The following TMLHE variants were observed in gnomAD, a reference collection of about 807,000 sequenced individuals.
TMLHE encodes trimethyllysine hydroxylase, epsilon, also known as trimethyllysine dioxygenase, mitochondrial.
Under a neutral mutation model 25.7 loss-of-function variants are expected in TMLHE, and 18 were observed. The ratio of observed to expected loss-of-function variants is 0.70; its 90% CI spans 0.48 to 1.04. The LOEUF (loss-of-function observed/expected upper bound fraction) is 1.04. Among genes scored for constraint, TMLHE ranks in the 50% least tolerant of loss-of-function variants. The pLI is 0.00. For missense variants in TMLHE, 236 were observed against 259.0 expected, an observed-to-expected ratio of 0.91 and a Z score of 0.61; for synonymous variants, 105 against 97.0, an observed-to-expected ratio of 1.08 and a Z score of -0.49.
At chrX:155,609,062 C>T (rs1023100221) in intron 1 of TMLHE, among the ~76,000 whole-genome samples, 6 of 111,922 alleles carry the variant, frequency 5.4e-5, no homozygotes, top group African/African-American at 2.0e-4. Flanking sequence ...AAATATAAAT[C>T]GTTCTGCCAT....
At chrX:155,555,972 T>C (rs2067451423) in intron 1 of TMLHE, among the ~76,000 whole-genome samples, 1 of 110,555 alleles carries the variant, frequency 9.0e-6, no homozygotes, top group Admixed American at 9.6e-5. Context: ...TGGTATTGCC[T>C]AGGTTTTCTT....
At chrX:155,549,766 T>C (rs1557339759) in intron 1 of TMLHE, among the ~76,000 whole-genome samples, 1 of 110,068 alleles carries the variant, frequency 9.1e-6, no homozygotes, top group South Asian at 3.9e-4. Context: ...CTGGGATACA[T>C]GTGCAGAACG....
At chrX:155,601,955 T>C (rs782820745) in intron 1 of TMLHE, among the ~76,000 whole-genome samples, 8 of 111,270 alleles carry the variant, frequency 7.2e-5, no homozygotes, top group Non-Finnish European at 1.5e-4. Context: ...AAGGACATTT[T>C]ATAATGATGA....
At chrX:155,514,389 A>G in intron 3 of TMLHE, 124 bp from the exon 4 acceptor site, 3 of 700,467 alleles carry the variant, frequency 4.3e-6, no homozygotes, top group Non-Finnish European at 6.0e-6. Context: ...ATTGTTTATG[A>G]AACCAAATTA....
At chrX:155,514,883 T>G (rs1374939456) in intron 3 of TMLHE, among the ~76,000 whole-genome samples, 1 of 111,742 alleles carries the variant, frequency 8.9e-6, no homozygotes, top group Admixed American at 9.6e-5. Flanking sequence ...TGGCTTCACC[T>G]GCTGTGCACA....
At chrX:155,522,934 C>G (rs1244309974) in intron 3 of TMLHE, among the ~76,000 whole-genome samples, 2 of 110,032 alleles carry the variant, frequency 1.8e-5, no homozygotes, top group Non-Finnish European at 3.8e-5. Context: ...AATTACCAAA[C>G]TGTTTTCCAG....
intron 1 of TMLHE, among the ~76,000 whole-genome samples, chrX:155,601,230 C>G (rs781964548): frequency 9.0e-6 from 1 of 111,687 alleles, no homozygotes; most frequent in African/African-American, 3.3e-5. Context: ...GAAATGACAC[C>G]AGATGGTAAC....
intron 2 of TMLHE, among the ~76,000 whole-genome samples, chrX:155,528,747 T>C (rs782784101): frequency 9.0e-6 from 1 of 111,670 alleles, no homozygotes; most frequent in Non-Finnish European, 1.9e-5. Flanking sequence ...GGTACTGAGA[T>C]TGGTTCCATA....
chrX:155,582,645 T>C (rs2067637778), intron 1 of TMLHE, among the ~76,000 whole-genome samples: 1 of 112,005 alleles, frequency 8.9e-6, no homozygotes, highest in African/African-American at 3.2e-5. Flanking sequence ...CCAGTTAGAA[T>C]GGCGATCATT....
intron 4 of TMLHE, among the ~76,000 whole-genome samples, chrX:155,512,078 C>A (rs2067117125): frequency 9.0e-6 from 1 of 111,425 alleles, no homozygotes; most frequent in Admixed American, 9.5e-5. Flanking sequence ...GTTTTCATAG[C>A]CTTCATAAAT....
chrX:155,534,529 C>T (rs782196301), intron 2 of TMLHE, among the ~76,000 whole-genome samples: 1 of 111,665 alleles, frequency 9.0e-6, no homozygotes, highest in Non-Finnish European at 1.9e-5. Flanking sequence ...CCACCTGGCA[C>T]CCGGCCTTAT....
chrX:155,586,254 T>C (rs782343375), intron 1 of TMLHE, among the ~76,000 whole-genome samples: 1 of 107,516 alleles, frequency 9.3e-6, no homozygotes, highest in South Asian at 3.9e-4. Context: ...CCATGGTTAT[T>C]AAACAAAAAG....
intron 3 of TMLHE, among the ~76,000 whole-genome samples, chrX:155,521,866 C>T (rs988810495): frequency 3.5e-5 from 3 of 85,331 alleles, no homozygotes; most frequent in African/African-American, 1.3e-4. Context: ...GGCAATGCCT[C>T]GCCCTGCTTC....
intron 2 of TMLHE, 126 bp downstream of exon 2, chrX:155,544,970 A>C: frequency 1.5e-6 from 1 of 681,331 alleles, no homozygotes; most frequent in East Asian, 3.4e-5. Flanking sequence ...TGGTTAAGAT[A>C]GTAAATTTTG....
intron 2 of TMLHE, among the ~76,000 whole-genome samples, chrX:155,538,166 T>C (rs922163181): frequency 9.0e-5 from 10 of 111,590 alleles, no homozygotes; most frequent in Admixed American, 7.6e-4. Flanking sequence ...ACTACCATTA[T>C]ACTCACTTCT....
At chrX:155,524,341 GA>G in intron 3 of TMLHE, 114 bp downstream of exon 3, 1 of 668,453 alleles carries the variant, frequency 1.5e-6, no homozygotes, top group Non-Finnish European at 2.1e-6. Context: ...TCCAAAACAA[GA>G]AAAAAAGAAA....
chrX:155,605,266 T>C (rs1435078776), intron 1 of TMLHE, among the ~76,000 whole-genome samples: 1 of 111,698 alleles, frequency 9.0e-6, no homozygotes. Context: ...CATGAAAATT[T>C]CCCAAACATC....
intron 1 of TMLHE, among the ~76,000 whole-genome samples, chrX:155,593,073 A>G (rs2067701859): frequency 9.0e-6 from 1 of 111,552 alleles, no homozygotes; most frequent in South Asian, 3.9e-4. Context: ...AACCTCAACT[A>G]TGCATTTCTA....
intron 2 of TMLHE, among the ~76,000 whole-genome samples, chrX:155,537,465 A>G (rs2067285600): frequency 9.1e-6 from 1 of 110,483 alleles, no homozygotes; most frequent in African/African-American, 3.3e-5. Flanking sequence ...TACTCTCAAA[A>G]TTTTCATTTA....
Sources: gnomAD v4.1 joint callset for allele counts (sites outside exome capture counted in the v4.1 genomes callset) on GRCh38, gnomAD v4.1.1 for gene constraint, MANE v1.5 for transcripts, NCBI Gene and HGNC (gene_info 2026-07-23, HGNC 2026-07-21) for gene names.